Variants in DLG1 observed in about 807,000 individuals in gnomAD.
DLG1 encodes the protein disks large homolog 1.
DLG1 carries 42 observed loss-of-function variants against 123.4 expected under a neutral mutation model. The observed-to-expected ratio is 0.34, with a 90% CI of 0.27 to 0.44. The LOEUF is 0.44. Among genes scored for constraint, DLG1 ranks in the 20% least tolerant of loss-of-function variants. The pLI is 1.00. For synonymous variants in DLG1, 317 were observed against 356.2 expected (o/e 0.89, Z 1.24); for missense variants, 942 against 1,082.6 (o/e 0.87, Z 1.82).
chr3:197,260,750 C>CAAAAA (rs570596943), intron 4 of DLG1, among the ~76,000 whole-genome samples: 43 of 18,310 alleles, frequency 2.3e-3, no homozygotes, highest in East Asian at 6.2e-3. Context: ...TGACAACCAC[C>CAAAAA]AAAAAAAAAA....
intron 5 of DLG1, among the ~76,000 whole-genome samples, chr3:197,171,514 C>G (rs527386622): frequency 2.1e-3 from 318 of 152,112 alleles, no homozygotes; most frequent in African/African-American, 7.4e-3. Flanking sequence ...AAATTTAAAA[C>G]AAAACAAGGT....
rs141430808 is a variant in DLG1, at chr3:197,097,561, C to T, written c.1547-6535G>A. The stretch of plus-strand genomic sequence containing the variant: ...TTTGGGCGATTCAGTTTTAAATCTA[C>T]TATCTTTTTTTGTACTTTCTTTTTT... On this transcript the variant is annotated intron_variant, in intron 14 of 24. Coordinates refer to ENST00000667157, the MANE Select transcript of DLG1 (RefSeq NM_001366207.1). 8.2e-3 allele frequency among the ~76,000 whole-genome samples: 1,219 copies of T among 148,136 alleles called. 12 individuals are homozygous for T. Among genetic ancestry groups the T allele is most frequent in the Non-Finnish European group, 8.9e-3 (595 of 67,130 alleles).
At chr3:197,295,299 T>C (rs1272532704) in intron 3 of DLG1, among the ~76,000 whole-genome samples, 1 of 152,156 alleles carries the variant, frequency 6.6e-6, no homozygotes. Context: ...GAGCATCCAT[T>C]TATCAATAAT....
chr3:197,216,456 G>T (rs1343389438), intron 4 of DLG1, among the ~76,000 whole-genome samples: 5 of 152,204 alleles, frequency 3.3e-5, no homozygotes, highest in African/African-American at 9.6e-5. Context: ...ACATGGGGCA[G>T]TCTGGGGGAA....
intron 22 of DLG1, among the ~76,000 whole-genome samples, chr3:197,060,528 C>T (rs2148826923): frequency 6.6e-6 from 1 of 152,272 alleles, no homozygotes; most frequent in South Asian, 2.1e-4. Context: ...AGATAAAAAA[C>T]CCTAGAGTAA....
At chr3:197,255,689 CT>C (rs1300376693) in intron 4 of DLG1, among the ~76,000 whole-genome samples, 1 of 151,790 alleles carries the variant, frequency 6.6e-6, no homozygotes, top group African/African-American at 2.4e-5. Context: ...AACACAGATA[CT>C]GAGTAAAAGA....
chr3:197,288,744 ATAC>A (rs1291875754), intron 3 of DLG1, among the ~76,000 whole-genome samples: 42 of 36,858 alleles, frequency 1.1e-3, no homozygotes, highest in Non-Finnish European at 2.0e-3. Context: ...AAAAAAAAAA[ATAC>A]ATACATACAT....
At chr3:197,153,225 T>C (rs1401411785) in intron 5 of DLG1, among the ~76,000 whole-genome samples, 4 of 152,174 alleles carry the variant, frequency 2.6e-5, no homozygotes, top group African/African-American at 4.8e-5. Context: ...AAAATGATTG[T>C]AAAAACAAAT....
At chr3:197,071,748 C>T (rs1239791780) in intron 18 of DLG1, among the ~76,000 whole-genome samples, 1 of 152,078 alleles carries the variant, frequency 6.6e-6, no homozygotes, top group African/African-American at 2.4e-5. Flanking sequence ...GTGTCTCTGC[C>T]ATCCACCAGA....
At chr3:197,287,267 A>C (rs1772337263) in intron 3 of DLG1, among the ~76,000 whole-genome samples, 1 of 152,142 alleles carries the variant, frequency 6.6e-6, no homozygotes, top group Non-Finnish European at 1.5e-5. Context: ...AAAATCTATT[A>C]ATTTCTTAAA....
chr3:197,213,372 T>C (rs972182227), intron 4 of DLG1, among the ~76,000 whole-genome samples: 2 of 152,126 alleles, frequency 1.3e-5, no homozygotes, highest in Non-Finnish European at 2.9e-5. Context: ...TAATTTATCG[T>C]GAGAAAGGCA....
intron 22 of DLG1, among the ~76,000 whole-genome samples, chr3:197,062,771 T>A (rs1231196037): frequency 6.6e-6 from 1 of 152,196 alleles, no homozygotes; most frequent in African/African-American, 2.4e-5. Context: ...TATTTTTAGG[T>A]CTTCTTAGTG....
chr3:197,153,901 G>A (rs532059887), intron 5 of DLG1, among the ~76,000 whole-genome samples: 2 of 152,130 alleles, frequency 1.3e-5, no homozygotes, highest in Non-Finnish European at 2.9e-5. Context: ...AGAAGAAGGA[G>A]AATCTGATTT....
At chr3:197,066,953 A>G (rs866654301) in intron 19 of DLG1, among the ~76,000 whole-genome samples, 199 bp from the exon 20 acceptor site, 40 of 152,146 alleles carry the variant, frequency 2.6e-4, no homozygotes, top group Non-Finnish European at 4.1e-4. Context: ...TAAATGTAAA[A>G]CAAAATACAA....
chr3:197,225,857 C>T (rs192079114), intron 4 of DLG1: 1 of 152,708 alleles, frequency 6.5e-6, no homozygotes, highest in East Asian at 1.9e-4. Context: ...TCAAACCCAC[C>T]TTACATCCAA....
rs1193552530 is a variant in DLG1 at position 197,253,677 on chromosome 3, TTTGAG to T, written c.318+28997_318+29001del. Among the ~76,000 whole-genome samples the T allele has an allele frequency of 1.1e-4, 17 of 152,088 alleles. 1 individual carries two copies. The highest frequency in any genetic ancestry group is 3.9e-4 in the African/African-American group (16 of 41,388). On this transcript the variant is annotated intron_variant, in intron 4 of 24. Coordinates refer to ENST00000667157, the MANE Select transcript of DLG1 (RefSeq NM_001366207.1). ...AAATAGAGAACAGATCAGTGGTTGC[TTTGAG>T]TTAAGAAGGGGATGGGGTGAGAGGA...
intron 4 of DLG1, among the ~76,000 whole-genome samples, chr3:197,205,390 G>A (rs1727992960): frequency 6.6e-6 from 1 of 151,960 alleles, no homozygotes; most frequent in Non-Finnish European, 1.5e-5. Flanking sequence ...TAAATACAAA[G>A]TTCCAAAACA....
At chr3:197,287,031 C>A (rs1772204636) in intron 3 of DLG1, among the ~76,000 whole-genome samples, 1 of 151,914 alleles carries the variant, frequency 6.6e-6, no homozygotes. Context: ...TGCCACCATG[C>A]CTGGTTAAAT....
At chr3:197,045,424 T>G (rs887037062) in intron 24 of DLG1, among the ~76,000 whole-genome samples, 4 of 149,290 alleles carry the variant, frequency 2.7e-5, no homozygotes, top group Admixed American at 2.7e-4. Context: ...TAAGCATGAG[T>G]AACTAACTTT....
Sources: allele counts gnomAD v4.1 joint callset (sites outside exome capture counted in the v4.1 genomes callset), GRCh38; gene constraint gnomAD v4.1.1; transcripts MANE v1.5; gene names NCBI Gene and HGNC (gene_info 2026-07-23, HGNC 2026-07-21).